DLGAP1: variants seen among roughly 807,000 people sequenced by gnomAD.
DLGAP1 encodes disks large-associated protein 1.
Under a neutral mutation model 90.8 loss-of-function variants are expected in DLGAP1, and 11 were observed. The ratio of observed to expected loss-of-function variants is 0.12; its 90% CI spans 0.08 to 0.20. The LOEUF (loss-of-function observed/expected upper bound fraction) is 0.20, where lower values mean the gene tolerates loss of function less well. DLGAP1 is among the 10% of genes least tolerant of loss of function. The pLI is 1.00. For synonymous variants in DLGAP1, 558 were observed against 540.7 expected, an observed-to-expected ratio of 1.03 and a Z score of -0.44; for missense variants, 1,050 against 1,333.8, an observed-to-expected ratio of 0.79 and a Z score of 3.31.
rs181813640 is a variant in DLGAP1, at chr18:3,601,832, G to C, written c.1592-19584C>G. Among the ~76,000 whole-genome samples the C allele has an allele frequency of 0.011, 1,047 of 98,816 alleles. 6 individuals are homozygous for C. In the Middle Eastern group the frequency reaches 0.11, roughly 10 times the overall value. The allele number at this position is 98,816 out of a possible 152,430, so 64.8% of individuals were successfully genotyped here. A position where few individuals can be genotyped will look rare whatever the true frequency, so the allele number is the denominator to read the frequency against. Reference sequence around the variant, plus strand: ...TGCACTCCAGCCTGGGTGACAGAGCGAGACTCCATCTCGGAAAAAAAAAAA... The same window carrying C: ...TGCACTCCAGCCTGGGTGACAGAGCCAGACTCCATCTCGGAAAAAAAAAAA... On this transcript the variant is annotated intron_variant, in intron 7 of 12. Transcript: ENST00000315677.
intron 5 of DLGAP1, among the ~76,000 whole-genome samples, chr18:3,762,566 G>A (rs1262722372): frequency 6.6e-6 from 1 of 151,984 alleles, no homozygotes; most frequent in African/African-American, 2.4e-5. Flanking sequence ...CTTCACTTTA[G>A]GAATTCTAAG....
At chr18:3,676,583 T>C (rs1197009700) in intron 7 of DLGAP1, among the ~76,000 whole-genome samples, 1 of 152,106 alleles carries the variant, frequency 6.6e-6, no homozygotes, top group East Asian at 1.9e-4. Context: ...AAACCCCTTT[T>C]ACAATGAGCA....
At chr18:3,779,815 A>C (rs1598719242) in intron 5 of DLGAP1, among the ~76,000 whole-genome samples, 1 of 134,430 alleles carries the variant, frequency 7.4e-6, no homozygotes, top group African/African-American at 2.9e-5. Context: ...TGAGAGAGGG[A>C]GTGTTGCTCT....
At chr18:3,848,127 C>CAAAAA (rs3862177) in intron 4 of DLGAP1, among the ~76,000 whole-genome samples, 667 of 32,078 alleles carry the variant, frequency 0.021, 132 homozygotes, top group Middle Eastern at 0.033. Flanking sequence ...GGCCCCGTCT[C>CAAAAA]AAAAAAAAAA....
At chr18:4,412,590 CAT>C (rs928962404) in intron 1 of DLGAP1, among the ~76,000 whole-genome samples, 1 of 152,090 alleles carries the variant, frequency 6.6e-6, no homozygotes, top group African/African-American at 2.4e-5. Flanking sequence ...TATGGAGAAA[CAT>C]AAAGTTTAAT....
chr18:4,149,561 C>A (rs1270756868), intron 2 of DLGAP1, among the ~76,000 whole-genome samples: 1 of 152,164 alleles, frequency 6.6e-6, no homozygotes, highest in Non-Finnish European at 1.5e-5. Flanking sequence ...AGGTCATAGA[C>A]CAGTACTGGT....
chr18:3,881,177 T>C (rs1174035749), intron 3 of DLGAP1, among the ~76,000 whole-genome samples: 1 of 151,950 alleles, frequency 6.6e-6, no homozygotes, highest in Non-Finnish European at 1.5e-5. Context: ...CAGGCTGCAG[T>C]GCAATGGCAC....
intron 1 of DLGAP1, among the ~76,000 whole-genome samples, chr18:4,395,629 G>A (rs571138376): frequency 2.7e-3 from 413 of 152,230 alleles, no homozygotes; most frequent in Middle Eastern, 0.014. Context: ...TCTGGTAAAA[G>A]TAAATAAACA....
intron 1 of DLGAP1, among the ~76,000 whole-genome samples, chr18:4,304,953 T>C (rs1345457899): frequency 2.0e-5 from 3 of 151,362 alleles, no homozygotes; most frequent in Non-Finnish European, 2.9e-5. Flanking sequence ...AAAGTTGTCA[T>C]TGTGAACTTT....
chr18:4,285,186 G>C (rs1327931838), intron 1 of DLGAP1, among the ~76,000 whole-genome samples: 1 of 152,144 alleles, frequency 6.6e-6, no homozygotes, highest in Admixed American at 6.6e-5. Context: ...CTAAAAAGTA[G>C]AATGAAGGGA....
chr18:3,711,045 A>AG lies in DLGAP1; in HGVS notation c.1591+18089dup, dbSNP rs1195983526. 6.6e-6 allele frequency among the ~76,000 whole-genome samples: 1 copy of AG among 152,224 alleles called. No individual in the cohort carries two copies. Among genetic ancestry groups the AG allele is most frequent in the Non-Finnish European group, 1.5e-5 (1 of 68,042 alleles). Reference sequence around the variant, plus strand: ...AGAAGAAGGCCAGTGCGTCTGCAACAGAAGAGTCCAGAAACACGACAGAGG... The same window carrying AG: ...AGAAGAAGGCCAGTGCGTCTGCAACAGGAAGAGTCCAGAAACACGACAGAGG... On this transcript the variant is annotated intron_variant, in intron 7 of 12. Coordinates refer to ENST00000315677, the MANE Select transcript of DLGAP1 (RefSeq NM_004746.4). This position sits in a 1 kb window ranked among gnomAD's most constrained non-coding sequence, Gnocchi z 4.0.
rs576360975 is a variant in DLGAP1, at chr18:3,882,846, G to T, written c.-72-2706C>A. The stretch of plus-strand genomic sequence containing the variant: ...CAAGACTTCCTACAATACAAAAATT[G>T]CCATATAAAGAGTCATCTTGGAAAG... On this transcript the variant is annotated intron_variant, in intron 3 of 12. Transcript: ENST00000315677. Among the ~76,000 whole-genome samples, 10 of 152,240 alleles carry T rather than the reference G, an allele frequency of 6.6e-5. No homozygotes were observed. In the South Asian group the frequency reaches 1.9e-3, roughly 28 times the overall value.
chr18:3,965,940 C>CAAAAAAA (rs544643910), intron 3 of DLGAP1, among the ~76,000 whole-genome samples: 3 of 100,552 alleles, frequency 3.0e-5, no homozygotes, highest in Non-Finnish European at 3.8e-5. Context: ...GACTCCATGT[C>CAAAAAAA]AAAAAAAAAA....
At chr18:3,722,708 C>T (rs1354917201) in intron 7 of DLGAP1, 2 of 152,192 alleles carry the variant, frequency 1.3e-5, no homozygotes, top group African/African-American at 4.8e-5. Flanking sequence ...TGATTGATAT[C>T]TGTCCCTTTG....
intron 3 of DLGAP1, among the ~76,000 whole-genome samples, chr18:4,004,771 G>A (rs1012547067): frequency 6.6e-6 from 1 of 152,086 alleles, no homozygotes; most frequent in Non-Finnish European, 1.5e-5. Context: ...TTAGTGTTGA[G>A]CTTGGGGACA....
chr18:4,262,736 T>A (rs921101067), intron 1 of DLGAP1, among the ~76,000 whole-genome samples: 1 of 152,096 alleles, frequency 6.6e-6, no homozygotes, highest in African/African-American at 2.4e-5. Context: ...CCCTCAGTAA[T>A]CCCTAGTTAT....
chr18:3,528,229 C>G (rs1382378230), intron 10 of DLGAP1, among the ~76,000 whole-genome samples: 2 of 152,072 alleles, frequency 1.3e-5, no homozygotes, highest in Non-Finnish European at 2.9e-5. Flanking sequence ...TGTACTTGAC[C>G]CATTTATCGA....
At chr18:3,941,442 G>T (rs1403110469) in intron 3 of DLGAP1, among the ~76,000 whole-genome samples, 1 of 152,164 alleles carries the variant, frequency 6.6e-6, no homozygotes, top group African/African-American at 2.4e-5. Flanking sequence ...AGGAACCAAG[G>T]TTGGGCAAAG....
At chr18:3,756,519 G>C (rs772164582) in intron 5 of DLGAP1, among the ~76,000 whole-genome samples, 7 of 151,848 alleles carry the variant, frequency 4.6e-5, no homozygotes, top group Admixed American at 1.3e-4. Context: ...TTAGAAAAAA[G>C]AAATTATCTC....
Sources: gnomAD v4.1 joint callset for allele counts (sites outside exome capture counted in the v4.1 genomes callset) on GRCh38, gnomAD v4.1.1 for gene constraint, Gnocchi (gnomAD v3.1) non-coding constraint, MANE v1.5 for transcripts, NCBI Gene and HGNC (gene_info 2026-07-23, HGNC 2026-07-21) for gene names.